Variants in FAM219A observed in about 807,000 individuals in gnomAD.
FAM219A encodes protein FAM219A.
A neutral mutation model predicts 23.4 loss-of-function variants in FAM219A; 7 were observed. The observed-to-expected ratio is 0.30, with a 90% confidence interval of 0.17 to 0.56. FAM219A has a LOEUF of 0.56. FAM219A is among the 20% of genes least tolerant of loss of function. The probability of loss-of-function intolerance (pLI) is 0.92; values close to 1 mark genes in which losing one functional copy is unlikely to be tolerated. For missense variants in FAM219A, 166 were observed against 246.9 expected (o/e 0.67, Z 2.20); for synonymous variants, 93 against 99.0 (o/e 0.94, Z 0.36).
chr9:34,402,310 G>A, intron 4 of FAM219A, 77 bp downstream of exon 4: 2 of 1,614,062 alleles, frequency 1.2e-6, no homozygotes, highest in Non-Finnish European at 1.7e-6. Flanking sequence ...CAATATAGCA[G>A]GTGTGGCCTG....
At chr9:34,422,801 C>T (rs1187060080) in intron 1 of FAM219A, among the ~76,000 whole-genome samples, 1 of 152,132 alleles carries the variant, frequency 6.6e-6, no homozygotes, top group Non-Finnish European at 1.5e-5. Context: ...GCCTTAGCCA[C>T]CAAATTCAGT....
chr9:34,403,253 G>A (rs1821517352), intron 2 of FAM219A, among the ~76,000 whole-genome samples: 1 of 152,218 alleles, frequency 6.6e-6, no homozygotes, highest in Admixed American at 6.5e-5. Context: ...ATAGAGGGGT[G>A]AAGAGAGAGG....
intron 1 of FAM219A, among the ~76,000 whole-genome samples, chr9:34,431,074 C>G (rs576281329): frequency 6.6e-6 from 1 of 152,334 alleles, no homozygotes; most frequent in East Asian, 1.9e-4. Flanking sequence ...TGCTTGGACC[C>G]ATGGCCCGCA....
chr9:34,406,575 A>G, intron 1 of FAM219A: 1 of 823,358 alleles, frequency 1.2e-6, no homozygotes, highest in African/African-American at 1.8e-5. Flanking sequence ...AGAACCTGAA[A>G]AGTTGGCTAG....
At chr9:34,455,077 C>A (rs982832501) in intron 1 of FAM219A, among the ~76,000 whole-genome samples, 1 of 152,136 alleles carries the variant, frequency 6.6e-6, no homozygotes, top group African/African-American at 2.4e-5. Flanking sequence ...ACTGTGGGCT[C>A]AAGGGCAGGG....
At chr9:34,456,416 G>A (rs1005775482) in intron 1 of FAM219A, among the ~76,000 whole-genome samples, 44 of 152,142 alleles carry the variant, frequency 2.9e-4, no homozygotes, top group African/African-American at 1.0e-3. Flanking sequence ...GAGCCTGGTG[G>A]CTCTATTTCT....
chr9:34,440,141 G>A (rs961931031), intron 1 of FAM219A, among the ~76,000 whole-genome samples: 1 of 152,164 alleles, frequency 6.6e-6, no homozygotes, highest in African/African-American at 2.4e-5. Flanking sequence ...TGTACTGGGT[G>A]GTCAGCTGTC....
At chr9:34,441,792 C>A (rs542201651) in intron 1 of FAM219A, among the ~76,000 whole-genome samples, 2 of 152,076 alleles carry the variant, frequency 1.3e-5, no homozygotes, top group African/African-American at 4.8e-5. Flanking sequence ...TACAGTGGCA[C>A]GATCATGGCT....
At chr9:34,404,494 G>A (rs1341547332) in intron 2 of FAM219A, among the ~76,000 whole-genome samples, 1 of 152,188 alleles carries the variant, frequency 6.6e-6, no homozygotes, top group Non-Finnish European at 1.5e-5. Flanking sequence ...GATCACTTGA[G>A]ACCAGGAGTT....
intron 1 of FAM219A, among the ~76,000 whole-genome samples, chr9:34,448,269 G>A (rs1823439422): frequency 6.6e-6 from 1 of 152,162 alleles, no homozygotes; most frequent in Non-Finnish European, 1.5e-5. Flanking sequence ...CCCCTTTCCT[G>A]TGTTCTTTGC....
At chr9:34,401,875 AT>A (rs1821449152) in intron 4 of FAM219A, among the ~76,000 whole-genome samples, 155 bp from the exon 5 acceptor site, 1 of 152,136 alleles carries the variant, frequency 6.6e-6, no homozygotes, top group Non-Finnish European at 1.5e-5. Flanking sequence ...CAAATGCAGG[AT>A]TTTAAAGACA....
chr9:34,412,446 T>A (rs1821856332), intron 1 of FAM219A, among the ~76,000 whole-genome samples: 1 of 152,124 alleles, frequency 6.6e-6, no homozygotes, highest in South Asian at 2.1e-4. Flanking sequence ...TCAGATGAGT[T>A]CATTTGGGAA....
chr9:34,456,357 A>G (rs937137903), intron 1 of FAM219A, among the ~76,000 whole-genome samples: 4 of 152,182 alleles, frequency 2.6e-5, no homozygotes, highest in African/African-American at 9.7e-5. Context: ...ACCCAGCCAA[A>G]CCACTATTCA....
rs1821299905 is a variant in FAM219A, at chr9:34,398,445, A to G, written c.*2519T>C. On this transcript the variant is annotated 3_prime_UTR_variant, in exon 6 of 6. Transcript: ENST00000651358. ...AGCTAAGGCCTAGATTCTTCCCTCC[A>G]ACCTCCCAGACAGGGAAGGAGGGAG... is the stretch of plus-strand genomic sequence containing the variant. 6.9e-7 allele frequency: 1 copy of G among 1,455,326 alleles called. No homozygotes were observed. Among genetic ancestry groups the G allele is most frequent in the South Asian group, 1.2e-5 (1 of 81,964 alleles). 90.2% of individuals were successfully genotyped at this position (1,455,326 alleles called of 1,614,324 possible). A position where few individuals can be genotyped will look rare whatever the true frequency, so the allele number is the denominator to read the frequency against.
At chr9:34,437,780 C>T (rs1362169585) in intron 1 of FAM219A, among the ~76,000 whole-genome samples, 5 of 152,232 alleles carry the variant, frequency 3.3e-5, no homozygotes, top group South Asian at 2.1e-4. Context: ...TCACAGCCCT[C>T]GGTCGCTCTC....
Position 34,401,670 on chromosome 9 carries a change from G to T in FAM219A, c.395C>A (p.Ala132Asp). Residue 132 changes from alanine to aspartate, a missense_variant, in exon 5 of 6, where the codon GCT (alanine) becomes GAT (aspartate). Coordinates refer to ENST00000651358, the MANE Select transcript of FAM219A (RefSeq NM_001184940.2). Reference sequence around the variant, plus strand: ...TGAGAAGGGGTAGGGGCTCACCTCAGCAGAGGAGTAGCCGGAGGAGGAGTA... The same window carrying T: ...TGAGAAGGGGTAGGGGCTCACCTCATCAGAGGAGTAGCCGGAGGAGGAGTA... ...SRYSSSGYSS[A>D]EQINQDLNIQ... 1 of 1,607,762 alleles carries T rather than the reference G, an allele frequency of 6.2e-7. No homozygotes were observed. The highest frequency in any genetic ancestry group is 1.7e-5 in the Admixed American group (1 of 59,148).
At chr9:34,415,177 CTCTT>C (rs1821957373) in intron 1 of FAM219A, among the ~76,000 whole-genome samples, 1 of 151,620 alleles carries the variant, frequency 6.6e-6, no homozygotes, top group African/African-American at 2.4e-5. Flanking sequence ...TGGGAAAACA[CTCTT>C]TCTTTCCACA....
rs1347508204 is a variant in FAM219A at position 34,417,061 on chromosome 9, T to C, written c.61-11097A>G. The stretch of plus-strand genomic sequence containing the variant: ...TCCTTCTTCCCCTTCCCTTTCCCCT[T>C]CCCCTTCTCCTTCTTCTTCTTTTTG... On this transcript the variant is annotated intron_variant, in intron 1 of 5. Transcript: ENST00000651358. The surrounding 1 kb of genome is among the most constrained non-coding windows in gnomAD (Gnocchi z 4.1). Among the ~76,000 whole-genome samples, 1 of 148,800 alleles carries C rather than the reference T, an allele frequency of 6.7e-6. No homozygotes were observed. Among genetic ancestry groups the C allele is most frequent in the Non-Finnish European group, 1.5e-5 (1 of 66,222 alleles).
At chr9:34,403,060 G>A (rs1821511217) in intron 2 of FAM219A, among the ~76,000 whole-genome samples, 1 of 152,184 alleles carries the variant, frequency 6.6e-6, no homozygotes, top group South Asian at 2.1e-4. Flanking sequence ...CCATGTTAGG[G>A]TAGTTAGTGT....
Sources: allele counts gnomAD v4.1 joint callset (sites outside exome capture counted in the v4.1 genomes callset), GRCh38; gene constraint gnomAD v4.1.1; non-coding constraint Gnocchi (gnomAD v3.1); transcripts MANE v1.5; gene names NCBI Gene and HGNC (gene_info 2026-07-23, HGNC 2026-07-21).